The following PCDHGA6 variants were observed in gnomAD, a reference collection of about 807,000 sequenced individuals.
The protein encoded by PCDHGA6 is protocadherin gamma subfamily A, 6.
PCDHGA6 carries 41 observed loss-of-function variants against 60.6 expected under a neutral mutation model. The observed-to-expected ratio is 0.68, with a 90% CI of 0.53 to 0.88. The LOEUF is 0.88. PCDHGA6 is among the 40% of genes least tolerant of loss of function. The pLI is 0.00. For synonymous variants in PCDHGA6, 594 were observed against 524.4 expected (o/e 1.13, Z -1.81); for missense variants, 1,312 against 1,203.0 (o/e 1.09, Z -1.34).
At position 141,485,301 on chromosome 5, in the gene PCDHGA6, C is replaced by T; in HGVS notation, c.2425-9506C>T. 1 of 1,614,124 alleles carries T rather than the reference C, an allele frequency of 6.2e-7. No homozygotes were observed. The highest frequency in any genetic ancestry group is 1.1e-5 in the South Asian group (1 of 91,082). The stretch of plus-strand genomic sequence containing the variant: ...GTCCCAGAGGAGTCACAGGAAGGGA[C>T]TTTTGTAGGGAATGTCGCTCAAGAT... On this transcript the variant is annotated intron_variant, in intron 1 of 3. Coordinates refer to ENST00000517434, the MANE Select transcript of PCDHGA6 (RefSeq NM_018919.3). This position sits in a 1 kb window ranked among gnomAD's most constrained non-coding sequence, Gnocchi z 5.7.
In PCDHGA6 at chr5:141,374,611, T is replaced by G; in HGVS notation, c.528T>G (p.Ser176Arg). The part of the protein sequence containing the change: ...SLQGFKLSGN[S>R]HFSVDVQSEA... ...AGGGATTTAAGCTCAGTGGTAATAG[T>G]CACTTCTCAGTGGACGTGCAAAGCG... Residue 176 changes from serine (S) to arginine (R), a missense_variant, in exon 1 of 4, where the codon AGT becomes AGG. By Grantham distance (110) the Ser-to-Arg change is moderately radical. Transcript: ENST00000517434. 6.2e-7 allele frequency: 1 copy of G among 1,613,552 alleles called. No individual in the cohort carries two copies. Among genetic ancestry groups the G allele is most frequent in the East Asian group, 2.2e-5 (1 of 44,852 alleles).
intron 1 of PCDHGA6, chr5:141,418,458 T>C: frequency 6.2e-7 from 1 of 1,614,010 alleles, no homozygotes; most frequent in African/African-American, 1.3e-5. Context: ...CAGAAGACTC[T>C]GGACCGAGAA....
At chr5:141,413,986 A>G (rs1464771336) in intron 1 of PCDHGA6, 1 of 1,613,554 alleles carries the variant, frequency 6.2e-7, no homozygotes, top group Admixed American at 1.7e-5. Flanking sequence ...AGTCACAGCC[A>G]CCGACAGGGA....
rs746696159 is a variant in PCDHGA6 at position 141,383,050 on chromosome 5, G to T, written c.2424+6543G>T. 23 of 1,613,778 alleles carry T rather than the reference G, an allele frequency of 1.4e-5. No individual in the cohort carries two copies. The Admixed American group carries it at 1.7e-4, about 12-fold the overall frequency. ...GTCCTTTGTGGGAGACATCGCCAAG[G>T]ACCTGGGGCTGGAGCCCCGGGAGCT... On this transcript the variant is annotated intron_variant, in intron 1 of 3. Transcript: ENST00000517434.
chr5:141,468,360 A>T (rs1249822461), intron 1 of PCDHGA6: 1 of 151,938 alleles, frequency 6.6e-6, no homozygotes, highest in East Asian at 1.9e-4. Flanking sequence ...GAAAGAAAAA[A>T]GAAATAACTC....
intron 1 of PCDHGA6, chr5:141,415,403 A>C (rs757508926): frequency 4.3e-6 from 7 of 1,614,082 alleles, no homozygotes; most frequent in Non-Finnish European, 4.2e-6. Context: ...TCCGGCTCGC[A>C]CTTTGTGGGC....
Position 141,392,866 on chromosome 5 carries a change from C to T in PCDHGA6, c.2424+16359C>T, listed in dbSNP as rs1000509941. The stretch of plus-strand genomic sequence containing the variant: ...CGCGGCGAGCTGATCCTGCTGTGCG[C>T]GCTGCTGGGAACGCTGTGGGAAATC... On this transcript the variant is annotated intron_variant, in intron 1 of 3. Transcript: ENST00000517434. 7 of 1,612,962 alleles carry T rather than the reference C, an allele frequency of 4.3e-6. No individual in the cohort carries two copies. The highest frequency in any genetic ancestry group is 3.3e-4 in the Middle Eastern group (2 of 6,060).
At chr5:141,416,274 A>G (rs2096010347) in intron 1 of PCDHGA6, 2 of 152,404 alleles carry the variant, frequency 1.3e-5, no homozygotes, top group Non-Finnish European at 1.5e-5. Flanking sequence ...CTTTTTGCAT[A>G]CAATTCTCTA....
chr5:141,491,855 G>A lies in PCDHGA6; in HGVS notation c.2425-2952G>A. ...TTCTCGGGATCATTGGACCGTTTGC[G>A]CGAAACCAGAGTGGCCGATTAAGGG... On this transcript the variant is annotated intron_variant, in intron 1 of 3. Coordinates refer to ENST00000517434, the MANE Select transcript of PCDHGA6 (RefSeq NM_018919.3). The surrounding 1 kb of genome is among the most constrained non-coding windows in gnomAD (Gnocchi z 6.9). The A allele has an allele frequency of 2.7e-6, 4 of 1,459,380 alleles. No individual in the cohort carries two copies. The highest frequency in any genetic ancestry group is 3.6e-6 in the Non-Finnish European group (4 of 1,103,492). The allele number at this position is 1,459,380 out of a possible 1,614,324, so 90.4% of individuals were successfully genotyped here. A position where few individuals can be genotyped will look rare whatever the true frequency, so the allele number is the denominator to read the frequency against.
At chr5:141,399,256 G>T in intron 1 of PCDHGA6, 3 of 1,613,964 alleles carry the variant, frequency 1.9e-6, no homozygotes, top group Non-Finnish European at 2.5e-6. Flanking sequence ...GGAAAATGGG[G>T]AGGTTAATTG....
intron 1 of PCDHGA6, chr5:141,377,075 T>A (rs552169121): frequency 6.6e-6 from 1 of 152,554 alleles, no homozygotes; most frequent in South Asian, 2.1e-4. Flanking sequence ...GAGAGTCACA[T>A]AATTCTAATG....
chr5:141,434,784 A>C (rs967716221), intron 1 of PCDHGA6, among the ~76,000 whole-genome samples: 1 of 150,278 alleles, frequency 6.7e-6, no homozygotes, highest in African/African-American at 2.5e-5. Flanking sequence ...AAAAAAAAAA[A>C]TTTTTTTTTC....
intron 1 of PCDHGA6, chr5:141,417,266 T>C (rs2096102700): frequency 6.6e-6 from 1 of 152,184 alleles, no homozygotes; most frequent in Non-Finnish European, 1.5e-5. Context: ...CATAGATAAT[T>C]ACTCTTAAAA....
At chr5:141,500,260 C>G (rs2099798502) in intron 2 of PCDHGA6, among the ~76,000 whole-genome samples, 3 of 151,104 alleles carry the variant, frequency 2.0e-5, no homozygotes, top group African/African-American at 2.4e-5. Flanking sequence ...CCAGGCTGGA[C>G]TGCAGTGGCG....
rs1043628660 is a variant in PCDHGA6, at chr5:141,478,879, G to A, written c.2425-15928G>A. On this transcript the variant is annotated intron_variant, in intron 1 of 3. Coordinates refer to ENST00000517434, the MANE Select transcript of PCDHGA6 (RefSeq NM_018919.3). ...GATCTCAGCGATCAGAGTTTAGCTT[G>A]GTATCATTTACATTAGGAATAAGCT... is the stretch of plus-strand genomic sequence containing the variant. 9 of 1,243,630 alleles carry A rather than the reference G, an allele frequency of 7.2e-6. No homozygotes were observed. The African/African-American group carries it at 1.1e-4, about 15-fold the overall frequency. The allele number at this position is 1,243,630 out of a possible 1,614,324, so 77.0% of individuals were successfully genotyped here.
rs370299433 is a variant in PCDHGA6 at position 141,476,360 on chromosome 5, G to A, written c.2425-18447G>A. 5.3e-5 allele frequency: 86 copies of A among 1,614,186 alleles called. No homozygotes were observed. The highest frequency in any genetic ancestry group is 6.7e-5 in the Non-Finnish European group (79 of 1,180,042). ...CCGAAGATTCTTTGAGGTGAACCGG[G>A]AGACCGGAGAGATGTTTGTGAACGA... On this transcript the variant is annotated intron_variant, in intron 1 of 3. Transcript: ENST00000517434. This position sits in a 1 kb window ranked among gnomAD's most constrained non-coding sequence, Gnocchi z 7.6.
intron 1 of PCDHGA6, chr5:141,433,253 G>T: frequency 7.1e-7 from 1 of 1,416,466 alleles, no homozygotes; most frequent in South Asian, 1.3e-5. Flanking sequence ...GAATGCAGCG[G>T]TACGATCATA....
At chr5:141,387,700 G>A (rs1303500403) in intron 1 of PCDHGA6, 1 of 933,942 alleles carries the variant, frequency 1.1e-6, no homozygotes, top group Non-Finnish European at 1.6e-6. Context: ...CGCTTTCCAG[G>A]GCAGCCCCAG....
intron 1 of PCDHGA6, chr5:141,384,672 G>A (rs1316537355): frequency 6.2e-7 from 1 of 1,614,086 alleles, no homozygotes; most frequent in Non-Finnish European, 8.5e-7. Flanking sequence ...TGACCAAGGT[G>A]GTGGCGGTGG....
Sources: allele counts gnomAD v4.1 joint callset (sites outside exome capture counted in the v4.1 genomes callset), GRCh38; gene constraint gnomAD v4.1.1; non-coding constraint Gnocchi (gnomAD v3.1); transcripts MANE v1.5; gene names NCBI Gene and HGNC (gene_info 2026-07-23, HGNC 2026-07-21).